KIF13B: variants seen among roughly 807,000 people sequenced by gnomAD.
The protein encoded by KIF13B is kinesin-like protein KIF13B.
Under a neutral mutation model 222.0 loss-of-function variants are expected in KIF13B, and 127 were observed. That is an observed-to-expected ratio of 0.57 (90% CI 0.50 to 0.66). The LOEUF is 0.66. Among genes scored for constraint, KIF13B ranks in the 30% least tolerant of loss-of-function variants. The probability of loss-of-function intolerance (pLI) is 0.00; values close to 1 mark genes in which losing one functional copy is unlikely to be tolerated. For synonymous variants in KIF13B, 976 were observed against 919.0 expected (o/e 1.06, Z -1.12); for missense variants, 2,173 against 2,379.0 (o/e 0.91, Z 1.80).
chr8:29,249,425 G>A (rs1316797486), intron 1 of KIF13B, among the ~76,000 whole-genome samples: 9 of 116,760 alleles, frequency 7.7e-5, no homozygotes, highest in South Asian at 2.7e-4. Context: ...GCAAGACTCC[G>A]TCTTTAAAAA....
chr8:29,108,208 AGGGGG>A lies in KIF13B; in HGVS notation c.4162-21_4162-17del. On this transcript the variant is annotated splice_polypyrimidine_tract_variant and intron_variant, in intron 34 of 39. Coordinates refer to ENST00000524189, the MANE Select transcript of KIF13B (RefSeq NM_015254.4). ...TTCCAGACAACTGAAGAAGAAAGAA[AGGGGG>A]GTTAGTTATTTATGCATCAGAGCAT... 6.2e-7 allele frequency: 1 copy of A among 1,609,484 alleles called. No homozygotes were observed. The highest frequency in any genetic ancestry group is 1.3e-5 in the African/African-American group (1 of 74,940).
At chr8:29,107,290 G>A (rs182402453) in intron 35 of KIF13B, among the ~76,000 whole-genome samples, 1,634 of 152,262 alleles carry the variant, frequency 0.011, 15 homozygotes, top group Non-Finnish European at 0.015. Flanking sequence ...CACTTTGGGA[G>A]GCTGAGGCAG....
chr8:29,212,243 A>G, intron 2 of KIF13B, among the ~76,000 whole-genome samples: 1 of 152,226 alleles, frequency 6.6e-6, no homozygotes, highest in East Asian at 1.9e-4. Context: ...TTATACCCAA[A>G]AGTATATTTA....
intron 36 of KIF13B, among the ~76,000 whole-genome samples, chr8:29,095,074 G>T (rs1808462889): frequency 6.6e-6 from 1 of 152,098 alleles, no homozygotes; most frequent in East Asian, 1.9e-4. Flanking sequence ...GAAAAGGATG[G>T]GGGAAAAGTT....
intron 2 of KIF13B, among the ~76,000 whole-genome samples, chr8:29,201,084 C>T (rs1340190268): frequency 1.3e-5 from 2 of 152,194 alleles, no homozygotes; most frequent in Non-Finnish European, 2.9e-5. Context: ...TGTTTCTCAT[C>T]GTCATACTTT....
At chr8:29,194,936 C>A (rs1171222729) in intron 3 of KIF13B, among the ~76,000 whole-genome samples, 2 of 152,026 alleles carry the variant, frequency 1.3e-5, no homozygotes, top group African/African-American at 4.8e-5. Context: ...CTGCAACCTC[C>A]AGCCTCTGCA....
At chr8:29,132,897 G>A (rs1022390133) in intron 22 of KIF13B, among the ~76,000 whole-genome samples, 24 of 152,076 alleles carry the variant, frequency 1.6e-4, no homozygotes, top group Non-Finnish European at 8.8e-5. Flanking sequence ...GGAGAATAAG[G>A]AAATAAAATC....
Position 29,195,334 on chromosome 8 carries a change from C to G in KIF13B, c.162+853G>C, listed in dbSNP as rs543230355. Among the ~76,000 whole-genome samples the G allele has an allele frequency of 1.8e-4, 28 of 152,212 alleles. No individual in the cohort carries two copies. The East Asian group carries it at 4.6e-3, about 25-fold the overall frequency. On this transcript the variant is annotated intron_variant, in intron 3 of 39. Coordinates refer to ENST00000524189, the MANE Select transcript of KIF13B (RefSeq NM_015254.4). Reference sequence around the variant, plus strand: ...GAGAAAGTTTACATATATAAAGAAACCAGTGCCCTATTCGGCTTTTTCACA... The same window carrying G: ...GAGAAAGTTTACATATATAAAGAAAGCAGTGCCCTATTCGGCTTTTTCACA...
At chr8:29,120,095 A>G (rs985219387) in intron 29 of KIF13B, among the ~76,000 whole-genome samples, 10 of 151,820 alleles carry the variant, frequency 6.6e-5, no homozygotes, top group African/African-American at 2.4e-4. Flanking sequence ...TCCTAGTGGC[A>G]GAGTATATGT....
chr8:29,233,514 G>A (rs2130597605), intron 2 of KIF13B, among the ~76,000 whole-genome samples: 1 of 152,344 alleles, frequency 6.6e-6, no homozygotes, highest in South Asian at 2.1e-4. Flanking sequence ...TAAAATTGCG[G>A]TGAGTACCTC....
chr8:29,106,632 C>CAAAAAAAA (rs71222590), intron 35 of KIF13B, among the ~76,000 whole-genome samples: 1 of 56,468 alleles, frequency 1.8e-5, no homozygotes, highest in African/African-American at 8.5e-5. Flanking sequence ...AACTCTGTCT[C>CAAAAAAAA]AAAAAAAAAA....
chr8:29,223,626 T>C (rs1488258830), intron 2 of KIF13B, among the ~76,000 whole-genome samples: 1 of 152,256 alleles, frequency 6.6e-6, no homozygotes, highest in Non-Finnish European at 1.5e-5. Flanking sequence ...ATGATAAAGA[T>C]AGTGTATTCC....
intron 1 of KIF13B, among the ~76,000 whole-genome samples, chr8:29,261,087 C>T (rs1816662195): frequency 6.6e-6 from 1 of 152,108 alleles, no homozygotes; most frequent in South Asian, 2.1e-4. Context: ...AAAAAGAAGT[C>T]CACATGCACG....
At chr8:29,131,676 G>A (rs1226249245) in intron 23 of KIF13B, among the ~76,000 whole-genome samples, 3 of 152,164 alleles carry the variant, frequency 2.0e-5, no homozygotes, top group Admixed American at 6.5e-5. Flanking sequence ...GACAACACTA[G>A]AGTGAATCTT....
intron 22 of KIF13B, 148 bp from the exon 23 acceptor site, chr8:29,132,613 A>AT (rs1810395787): frequency 4.2e-6 from 2 of 473,436 alleles, no homozygotes; most frequent in Admixed American, 4.4e-5. Context: ...TCTAAAACCC[A>AT]TAATGAATGC....
chr8:29,194,777 T>C (rs1813344832), intron 3 of KIF13B, among the ~76,000 whole-genome samples: 1 of 152,188 alleles, frequency 6.6e-6, no homozygotes, highest in Admixed American at 6.5e-5. Flanking sequence ...AAGGTCTCCC[T>C]GTTCAACAAG....
intron 28 of KIF13B, among the ~76,000 whole-genome samples, chr8:29,123,141 C>A (rs1222804934): frequency 6.6e-6 from 1 of 152,184 alleles, no homozygotes; most frequent in Non-Finnish European, 1.5e-5. Flanking sequence ...TTTAAGTTCT[C>A]AGAAATCTTA....
intron 8 of KIF13B, among the ~76,000 whole-genome samples, chr8:29,178,779 G>A (rs1812590640): frequency 6.6e-6 from 1 of 152,012 alleles, no homozygotes; most frequent in African/African-American, 2.4e-5. Context: ...TATGCTTTCA[G>A]CAGATGAAAA....
intron 1 of KIF13B, among the ~76,000 whole-genome samples, chr8:29,252,407 CTTTTCTAATTCTCA>C (rs375089101): frequency 9.5e-4 from 145 of 152,274 alleles, no homozygotes; most frequent in African/African-American, 3.2e-3. Flanking sequence ...AAATAATCTG[CTTTTCTAATTCTCA>C]TTTTCTAATT....
Sources: gnomAD v4.1 joint callset for allele counts (sites outside exome capture counted in the v4.1 genomes callset) on GRCh38, gnomAD v4.1.1 for gene constraint, MANE v1.5 for transcripts, NCBI Gene and HGNC (gene_info 2026-07-23, HGNC 2026-07-21) for gene names.